The following CSMD1 variants were observed in gnomAD, a reference collection of about 807,000 sequenced individuals.
CSMD1 encodes CUB and Sushi multiple domains 1, also known as CUB and sushi domain-containing protein 1.
A neutral mutation model predicts 417.5 loss-of-function variants in CSMD1; 213 were observed. The observed-to-expected ratio is 0.51, with a 90% confidence interval of 0.46 to 0.57. The LOEUF (loss-of-function observed/expected upper bound fraction) is 0.57. CSMD1 is among the 20% of genes least tolerant of loss of function. CSMD1 has a pLI of 0.00. For synonymous variants in CSMD1, 2,862 were observed against 1,736.8 expected (o/e 1.65, Z -16.11); for missense variants, 6,923 against 4,529.7 (o/e 1.53, Z -15.17).
chr8:4,408,413 T>A (rs892081995), intron 3 of CSMD1, among the ~76,000 whole-genome samples: 1 of 152,234 alleles, frequency 6.6e-6, no homozygotes, highest in Non-Finnish European at 1.5e-5. Context: ...GATTCTCCAT[T>A]GATCAGGTTT....
chr8:3,854,215 T>G (rs1804132891), intron 5 of CSMD1, among the ~76,000 whole-genome samples: 1 of 149,524 alleles, frequency 6.7e-6, no homozygotes, highest in African/African-American at 2.4e-5. Flanking sequence ...TGGGAACACT[T>G]AAAACATGTG....
In CSMD1 at chr8:3,807,895, G is replaced by T. The variant is rs902765999; in HGVS notation, c.819-53853C>A. Among the ~76,000 whole-genome samples, 8 of 152,194 alleles carry T rather than the reference G, an allele frequency of 5.3e-5. No homozygotes were observed. In the South Asian group the frequency reaches 1.2e-3, roughly 24 times the overall value. Reference sequence around the variant, plus strand: ...TAAGTACAAAAGCAATCCCCTTCTTGCCAAGTAATCACATAGAAAAAATAA... The same window carrying T: ...TAAGTACAAAAGCAATCCCCTTCTTTCCAAGTAATCACATAGAAAAAATAA... On this transcript the variant is annotated intron_variant, in intron 5 of 69. Coordinates refer to ENST00000635120, the MANE Select transcript of CSMD1 (RefSeq NM_033225.6).
chr8:4,062,888 A>G (rs1208086084), intron 3 of CSMD1, among the ~76,000 whole-genome samples: 2 of 150,884 alleles, frequency 1.3e-5, no homozygotes, highest in African/African-American at 4.9e-5. Flanking sequence ...ACTGAAGAGT[A>G]AACTGCAGCA....
intron 54 of CSMD1, among the ~76,000 whole-genome samples, chr8:2,979,188 C>G (rs687026): frequency 0.29 from 44,448 of 152,158 alleles, 8,681 homozygotes; most frequent in African/African-American, 0.56. Flanking sequence ...CTGTGGCACA[C>G]CAGTTAATTA....
intron 3 of CSMD1, among the ~76,000 whole-genome samples, chr8:4,098,533 A>G (rs1011617617): frequency 5.9e-5 from 9 of 152,140 alleles, no homozygotes; most frequent in Non-Finnish European, 1.2e-4. Flanking sequence ...TCAACCACAG[A>G]GAGCTGAGAA....
At chr8:4,020,141 G>T (rs925684607) in intron 4 of CSMD1, among the ~76,000 whole-genome samples, 2 of 152,110 alleles carry the variant, frequency 1.3e-5, no homozygotes, top group South Asian at 4.2e-4. Flanking sequence ...CATTTTACCT[G>T]GGTTATGCCA....
chr8:4,405,477 G>T (rs1804943313), intron 3 of CSMD1, among the ~76,000 whole-genome samples: 1 of 152,104 alleles, frequency 6.6e-6, no homozygotes, highest in Non-Finnish European at 1.5e-5. Context: ...GTGTTTGAAA[G>T]AGTGAAGTGA....
chr8:3,624,688 A>G (rs1796409114), intron 7 of CSMD1, among the ~76,000 whole-genome samples: 1 of 152,124 alleles, frequency 6.6e-6, no homozygotes, highest in Non-Finnish European at 1.5e-5. Context: ...TGTATTGATG[A>G]GCTTTGTTTG....
intron 25 of CSMD1, among the ~76,000 whole-genome samples, chr8:3,294,932 G>A (rs1169111495): frequency 1.3e-5 from 2 of 152,038 alleles, no homozygotes; most frequent in African/African-American, 4.8e-5. Flanking sequence ...GGGAGCTGTA[G>A]ACTGGAGCTG....
rs367799592 is a variant in CSMD1, at chr8:3,625,486, T to C, written c.1010-8689A>G. ...TGACTTTTAAAACACAAGGGGTTGA[T>C]CACCTATTATCATAATTCATATGCC... On this transcript the variant is annotated intron_variant, in intron 7 of 69. Transcript: ENST00000635120. 1.1e-4 allele frequency among the ~76,000 whole-genome samples: 16 copies of C among 152,284 alleles called. No individual in the cohort carries two copies. The East Asian group carries it at 2.7e-3, about 26-fold the overall frequency.
At chr8:4,769,870 C>T (rs1408675656) in intron 1 of CSMD1, among the ~76,000 whole-genome samples, 1 of 152,092 alleles carries the variant, frequency 6.6e-6, no homozygotes. Context: ...TGCATCCCAC[C>T]ACTAACATCA....
intron 2 of CSMD1, among the ~76,000 whole-genome samples, chr8:4,483,131 G>C (rs574944052): frequency 1.3e-5 from 2 of 152,076 alleles, no homozygotes; most frequent in Non-Finnish European, 2.9e-5. Context: ...CCTGGTGGTG[G>C]ATAAGTCTCA....
intron 3 of CSMD1, among the ~76,000 whole-genome samples, chr8:4,200,853 G>C (rs945801438): frequency 3.3e-5 from 5 of 151,966 alleles, no homozygotes; most frequent in African/African-American, 1.2e-4. Context: ...GTGAAACCCT[G>C]TCTCAAAATA....
intron 3 of CSMD1, among the ~76,000 whole-genome samples, chr8:4,244,926 G>T (rs1018175832): frequency 2.0e-5 from 3 of 152,062 alleles, no homozygotes; most frequent in African/African-American, 7.2e-5. Flanking sequence ...CTTCCAATTT[G>T]TCATCACCAT....
chr8:4,145,514 T>C (rs945285476), intron 3 of CSMD1, among the ~76,000 whole-genome samples: 17 of 151,006 alleles, frequency 1.1e-4, no homozygotes, highest in East Asian at 7.7e-4. Context: ...CCCTCAAACA[T>C]TGTCATCTTG....
intron 1 of CSMD1, among the ~76,000 whole-genome samples, chr8:4,764,885 A>ACAAAACAAAAAACAAAACAAAAC: frequency 1.3e-5 from 1 of 74,788 alleles, no homozygotes; most frequent in South Asian, 4.8e-4. Flanking sequence ...AAAAAAAAAA[A>ACAAAACAAAAAACAAAACAAAAC]AAAAAAAAAC....
intron 3 of CSMD1, among the ~76,000 whole-genome samples, chr8:4,099,811 T>C (rs560947046): frequency 6.6e-6 from 1 of 152,274 alleles, no homozygotes; most frequent in South Asian, 2.1e-4. Context: ...CTACTTTAAA[T>C]CCCTGATTGT....
At chr8:4,404,826 G>A (rs933047994) in intron 3 of CSMD1, among the ~76,000 whole-genome samples, 1 of 152,034 alleles carries the variant, frequency 6.6e-6, no homozygotes, top group African/African-American at 2.4e-5. Context: ...AGTAAGTGAG[G>A]CAATAACAAC....
chr8:4,133,915 A>C (rs148157467), intron 3 of CSMD1, among the ~76,000 whole-genome samples: 3 of 152,226 alleles, frequency 2.0e-5, no homozygotes, highest in African/African-American at 7.2e-5. Context: ...TTATCCAGGG[A>C]AACAGAATAA....
Sources: gnomAD v4.1 joint callset for allele counts (sites outside exome capture counted in the v4.1 genomes callset) on GRCh38, gnomAD v4.1.1 for gene constraint, MANE v1.5 for transcripts, NCBI Gene and HGNC (gene_info 2026-07-23, HGNC 2026-07-21) for gene names.